SLC9A9: variants seen among roughly 807,000 people sequenced by gnomAD.
SLC9A9 encodes the protein sodium/hydrogen exchanger 9.
SLC9A9 carries 62 observed loss-of-function variants against 77.8 expected under a neutral mutation model. The ratio of observed to expected loss-of-function variants is 0.80; its 90% CI spans 0.65 to 0.98. The LOEUF is 0.98. SLC9A9 is among the 50% of genes least tolerant of loss of function. SLC9A9 has a pLI of 0.00. For missense variants in SLC9A9, 775 were observed against 774.9 expected, an observed-to-expected ratio of 1.00 and a Z score of 0.00; for synonymous variants, 320 against 283.5, an observed-to-expected ratio of 1.13 and a Z score of -1.29.
intron 14 of SLC9A9, among the ~76,000 whole-genome samples, chr3:143,294,055 G>A (rs1299442514): frequency 1.3e-5 from 2 of 152,182 alleles, no homozygotes; most frequent in African/African-American, 2.4e-5. Flanking sequence ...TTGGTGCACT[G>A]AGAATAATTC....
At chr3:143,600,969 A>C (rs1223895348) in intron 6 of SLC9A9, among the ~76,000 whole-genome samples, 3 of 152,204 alleles carry the variant, frequency 2.0e-5, no homozygotes, top group Non-Finnish European at 4.4e-5. Context: ...TGAGCATAAC[A>C]AAGTGGTGAA....
At chr3:143,724,782 A>G (rs1934593316) in intron 4 of SLC9A9, among the ~76,000 whole-genome samples, 1 of 152,200 alleles carries the variant, frequency 6.6e-6, no homozygotes, top group Admixed American at 6.5e-5. Context: ...GAGAAGTCAG[A>G]CATTTTACCT....
intron 14 of SLC9A9, among the ~76,000 whole-genome samples, chr3:143,335,159 A>G (rs1056815542): frequency 3.0e-4 from 45 of 152,274 alleles, no homozygotes; most frequent in Middle Eastern, 3.4e-3. Context: ...AACAATGAAC[A>G]CTCTTAAAAG....
intron 12 of SLC9A9, among the ~76,000 whole-genome samples, chr3:143,392,085 C>G (rs910879626): frequency 3.9e-5 from 6 of 152,132 alleles, no homozygotes; most frequent in African/African-American, 2.4e-5. Flanking sequence ...TATTCAAATT[C>G]AGGAAACACA....
At chr3:143,396,649 TAGA>T (rs1291574897) in intron 12 of SLC9A9, among the ~76,000 whole-genome samples, 2 of 152,178 alleles carry the variant, frequency 1.3e-5, no homozygotes, top group African/African-American at 4.8e-5. Flanking sequence ...AGAAAATGCT[TAGA>T]AGAAGTAGCT....
At chr3:143,812,427 C>T (rs189101409) in intron 2 of SLC9A9, among the ~76,000 whole-genome samples, 7 of 152,292 alleles carry the variant, frequency 4.6e-5, no homozygotes, top group Admixed American at 3.3e-4. Flanking sequence ...GAGGAAACTG[C>T]TCGCCTATGA....
At chr3:143,325,609 G>A (rs1363078347) in intron 14 of SLC9A9, among the ~76,000 whole-genome samples, 1 of 152,164 alleles carries the variant, frequency 6.6e-6, no homozygotes, top group East Asian at 1.9e-4. Context: ...TGAGAGTGTT[G>A]TGCATAGGAG....
chr3:143,425,980 T>C (rs2034398170), intron 12 of SLC9A9, among the ~76,000 whole-genome samples: 2 of 151,936 alleles, frequency 1.3e-5, no homozygotes, highest in Admixed American at 1.3e-4. Flanking sequence ...TGGCTTTTTT[T>C]TTTTTTCCTA....
intron 2 of SLC9A9, among the ~76,000 whole-genome samples, chr3:143,808,415 A>T (rs187606077): frequency 6.6e-6 from 1 of 152,348 alleles, no homozygotes; most frequent in Non-Finnish European, 1.5e-5. Flanking sequence ...TCAGAAAATC[A>T]ATCTAATTCT....
chr3:143,573,116 C>T (rs1248589385), intron 8 of SLC9A9, among the ~76,000 whole-genome samples: 1 of 152,140 alleles, frequency 6.6e-6, no homozygotes, highest in Non-Finnish European at 1.5e-5. Flanking sequence ...ATGAAATCAC[C>T]TATGAAAGAC....
In SLC9A9 at chr3:143,266,484, T is replaced by A; in HGVS notation, c.*218A>T. The A allele has an allele frequency of 1.7e-6, 1 of 594,068 alleles. No homozygotes were observed. The highest frequency in any genetic ancestry group is 3.0e-6 in the Non-Finnish European group (1 of 333,888). The allele number at this position is 594,068 out of a possible 1,614,324, so 36.8% of individuals were successfully genotyped here. ...CAGCCAATCCAGTAATCAGAATGGC[T>A]GCTGTCAAAAAACTAAATTCATTTG... On this transcript the variant is annotated 3_prime_UTR_variant, in exon 16 of 16. Coordinates refer to ENST00000316549, the MANE Select transcript of SLC9A9 (RefSeq NM_173653.4).
chr3:143,418,591 T>TA (rs2034241170), intron 12 of SLC9A9, among the ~76,000 whole-genome samples: 1 of 152,100 alleles, frequency 6.6e-6, no homozygotes, highest in South Asian at 2.1e-4. Flanking sequence ...TATTCTTAAG[T>TA]CAGTGTGAAA....
At chr3:143,609,736 G>T (rs1216722908) in intron 6 of SLC9A9, among the ~76,000 whole-genome samples, 4 of 151,920 alleles carry the variant, frequency 2.6e-5, no homozygotes, top group African/African-American at 4.8e-5. Flanking sequence ...TCAGTAAGTT[G>T]GTTTTTAACT....
intron 12 of SLC9A9, among the ~76,000 whole-genome samples, chr3:143,411,476 C>T (rs2034095477): frequency 6.6e-6 from 1 of 152,114 alleles, no homozygotes; most frequent in Admixed American, 6.5e-5. Flanking sequence ...TCCACGATTT[C>T]TACTTTTGAG....
intron 14 of SLC9A9, among the ~76,000 whole-genome samples, chr3:143,302,874 C>G (rs2030590682): frequency 6.6e-6 from 1 of 152,194 alleles, no homozygotes; most frequent in Non-Finnish European, 1.5e-5. Flanking sequence ...ATTGCATAAT[C>G]CTCCTTGTTC....
chr3:143,444,907 C>T (rs1292739776), intron 12 of SLC9A9, among the ~76,000 whole-genome samples: 1 of 152,210 alleles, frequency 6.6e-6, no homozygotes, highest in Non-Finnish European at 1.5e-5. Context: ...TGTGAGGTCT[C>T]TTCAGGGTTC....
At position 143,390,759 on chromosome 3, in the gene SLC9A9, A is replaced by G. The variant is rs148651090; in HGVS notation, c.1470-8645T>C. Among the ~76,000 whole-genome samples the G allele has an allele frequency of 4.2e-3, 645 of 152,260 alleles. 3 individuals are homozygous for G. The highest frequency in any genetic ancestry group is 0.015 in the African/African-American group (614 of 41,548). Reference sequence around the variant, plus strand: ...ATTGGGTCACTCCCACCCTAATACCACACTTTTCCAATGGTCTTAGCAAAT... The same window carrying G: ...ATTGGGTCACTCCCACCCTAATACCGCACTTTTCCAATGGTCTTAGCAAAT... On this transcript the variant is annotated intron_variant, in intron 12 of 15. Transcript: ENST00000316549.
intron 9 of SLC9A9, chr3:143,517,123 C>T (rs779243431): frequency 5.0e-5 from 77 of 1,548,638 alleles, no homozygotes; most frequent in Middle Eastern, 2.3e-4. Flanking sequence ...AAGGGCATTA[C>T]GCTTGACCTC....
At chr3:143,739,281 T>A (rs1935023602) in intron 4 of SLC9A9, among the ~76,000 whole-genome samples, 1 of 152,140 alleles carries the variant, frequency 6.6e-6, no homozygotes, top group Non-Finnish European at 1.5e-5. Flanking sequence ...GATTTTGTCA[T>A]CACTTCTATC....
Sources: gnomAD v4.1 joint callset for allele counts (sites outside exome capture counted in the v4.1 genomes callset) on GRCh38, gnomAD v4.1.1 for gene constraint, MANE v1.5 for transcripts, NCBI Gene and HGNC (gene_info 2026-07-23, HGNC 2026-07-21) for gene names.